SMAD6: variants seen among roughly 807,000 people sequenced by gnomAD.
SMAD6 encodes the protein MAD homolog 6.
In SMAD6, 103 loss-of-function variants were observed where a neutral mutation model predicts 39.4. That is an observed-to-expected ratio of 2.62 (90% confidence interval 2.23 to 3.08). The LOEUF is 3.08. Among genes scored for constraint, SMAD6 ranks in the 30% most tolerant of loss-of-function variants. The probability of loss-of-function intolerance (pLI) is 0.00; values close to 1 mark genes in which losing one functional copy is unlikely to be tolerated. For synonymous variants in SMAD6, 445 were observed against 353.3 expected (o/e 1.26, Z -2.91); for missense variants, 1,104 against 742.9 (o/e 1.49, Z -5.65).
chr15:66,720,939 G>A (rs1331183205), intron 3 of SMAD6, among the ~76,000 whole-genome samples: 1 of 152,220 alleles, frequency 6.6e-6, no homozygotes, highest in Non-Finnish European at 1.5e-5. Flanking sequence ...GTTAGTGAGA[G>A]CAGGCCCTTC....
intron 3 of SMAD6, among the ~76,000 whole-genome samples, chr15:66,752,975 G>A (rs1219618720): frequency 1.3e-5 from 2 of 152,162 alleles, no homozygotes; most frequent in African/African-American, 4.8e-5. Context: ...GGTAACATTT[G>A]CTAAAGGCAT....
chr15:66,735,744 G>A lies in SMAD6; in HGVS notation c.952+19246G>A, dbSNP rs1205996197. Among the ~76,000 whole-genome samples, 3 of 152,198 alleles carry A rather than the reference G, an allele frequency of 2.0e-5. No individual in the cohort carries two copies. The East Asian group carries it at 5.8e-4, about 29-fold the overall frequency. On this transcript the variant is annotated intron_variant, in intron 3 of 3. Transcript: ENST00000288840. ...TTTGAGGTGTGGGGCCCAGCCCTTTGTTCCATGTCAGTTGGTCATTGGCTG... is the reference window on the plus strand; with the variant it reads ...TTTGAGGTGTGGGGCCCAGCCCTTTATTCCATGTCAGTTGGTCATTGGCTG...
At chr15:66,779,171 C>T (rs1370923142) in intron 3 of SMAD6, among the ~76,000 whole-genome samples, 1 of 152,124 alleles carries the variant, frequency 6.6e-6, no homozygotes, top group Non-Finnish European at 1.5e-5. Flanking sequence ...CCCAGCTGCC[C>T]ACCTGCTGGG....
chr15:66,754,922 A>G (rs1290503579), intron 3 of SMAD6, among the ~76,000 whole-genome samples: 2 of 152,142 alleles, frequency 1.3e-5, no homozygotes, highest in South Asian at 4.1e-4. Context: ...CACCAAGCAG[A>G]TAAGATTCCA....
intron 3 of SMAD6, among the ~76,000 whole-genome samples, chr15:66,725,786 T>C (rs1351898016): frequency 6.6e-6 from 1 of 151,870 alleles, no homozygotes; most frequent in Admixed American, 6.6e-5. Context: ...GGGAGAGGGG[T>C]TGGAGTGGGT....
chr15:66,708,986 C>CCTGGT (rs1442863850), intron 1 of SMAD6, among the ~76,000 whole-genome samples: 1 of 152,198 alleles, frequency 6.6e-6, no homozygotes, highest in Non-Finnish European at 1.5e-5. Context: ...ACTGGCCTCC[C>CCTGGT]CTGTAACACC....
Position 66,768,490 on chromosome 15 carries a change from A to G in SMAD6, c.953-12507A>G, listed in dbSNP as rs573450555. Reference sequence around the variant, plus strand: ...TTTCATAGACTTAGCAAGCCAGAGAAATTAAATCCACCCCCATGGCCAGGT... The same window carrying G: ...TTTCATAGACTTAGCAAGCCAGAGAGATTAAATCCACCCCCATGGCCAGGT... On this transcript the variant is annotated intron_variant, in intron 3 of 3. Coordinates refer to ENST00000288840, the MANE Select transcript of SMAD6 (RefSeq NM_005585.5). Among the ~76,000 whole-genome samples the G allele has an allele frequency of 1.6e-4, 24 of 152,340 alleles. No individual in the cohort carries two copies. In the South Asian group the frequency reaches 5.0e-3, roughly 32 times the overall value.
intron 1 of SMAD6, 123 bp downstream of exon 1, chr15:66,704,198 G>A: frequency 1.3e-6 from 1 of 754,660 alleles, no homozygotes; most frequent in Non-Finnish European, 1.9e-6. Context: ...CCCTTGGAGC[G>A]TGGGAGCCAC....
intron 1 of SMAD6, chr15:66,707,151 GGT>G (rs1370135641): frequency 1.3e-5 from 2 of 152,204 alleles, no homozygotes; most frequent in East Asian, 3.8e-4. Flanking sequence ...GAGCTCGGTG[GGT>G]GCCTATGTGG....
At chr15:66,728,591 G>T (rs771575742) in intron 3 of SMAD6, among the ~76,000 whole-genome samples, 2 of 152,006 alleles carry the variant, frequency 1.3e-5, no homozygotes, top group Non-Finnish European at 2.9e-5. Flanking sequence ...ATTTTTAGTA[G>T]AGATGGGGTT....
At chr15:66,754,931 C>T (rs558179130) in intron 3 of SMAD6, among the ~76,000 whole-genome samples, 1 of 152,236 alleles carries the variant, frequency 6.6e-6, no homozygotes, top group African/African-American at 2.4e-5. Context: ...GATAAGATTC[C>T]AGTAGGGGCT....
chr15:66,703,973 G>A lies in SMAD6; in HGVS notation c.715G>A (p.Val239Met), dbSNP rs768794005. ...TCGCTGGCCCGACCTGCAGCACGCC[G>A]TGGAGCTGAAGCCCCTGTGCGGCTG... is the stretch of plus-strand genomic sequence containing the variant. ...LFRWPDLQHAVELKPLCGCHS... is the reference protein window; with the variant it reads ...LFRWPDLQHAMELKPLCGCHS... Residue 239 changes from valine (V) to methionine (M), a missense_variant, in exon 1 of 4, where the codon GTG (valine) becomes ATG (methionine). Physicochemically the swap from Val to Met is conservative, Grantham distance 21 (BLOSUM62 1). Coordinates refer to ENST00000288840, the MANE Select transcript of SMAD6 (RefSeq NM_005585.5). 1.6e-4 allele frequency: 227 copies of A among 1,458,760 alleles called. No homozygotes were observed. The highest frequency in any genetic ancestry group is 2.0e-4 in the Non-Finnish European group (217 of 1,109,108). The allele number at this position is 1,458,760 out of a possible 1,614,324, so 90.4% of individuals were successfully genotyped here. A position where few individuals can be genotyped will look rare whatever the true frequency, so the allele number is the denominator to read the frequency against.
intron 1 of SMAD6, among the ~76,000 whole-genome samples, chr15:66,709,685 A>G (rs558875482): frequency 3.9e-5 from 6 of 152,316 alleles, no homozygotes; most frequent in South Asian, 4.1e-4. Flanking sequence ...GGTGGTGGAA[A>G]GGGCATGGAG....
At chr15:66,736,691 G>A (rs556726464) in intron 3 of SMAD6, among the ~76,000 whole-genome samples, 7 of 150,364 alleles carry the variant, frequency 4.7e-5, no homozygotes, top group African/African-American at 1.7e-4. Context: ...TTTTTGAGAT[G>A]GAATCTCGCT....
At position 66,781,818 on chromosome 15, in the gene SMAD6, ATTTTC is replaced by A. The variant is rs1894584206; in HGVS notation, c.*287_*291del. 1 of 398,690 alleles carries A rather than the reference ATTTTC, an allele frequency of 2.5e-6. No homozygotes were observed. The highest frequency in any genetic ancestry group is 4.4e-6 in the Non-Finnish European group (1 of 226,090). 24.7% of individuals were successfully genotyped at this position (398,690 alleles called of 1,614,324 possible). A position where few individuals can be genotyped will look rare whatever the true frequency, so the allele number is the denominator to read the frequency against. ...CTTATAATTCTTTCAATACAGATATATTTTCTTTCTCTTCCTCCTTCCTCTTCCTT... is the reference window on the plus strand; with the variant it reads ...CTTATAATTCTTTCAATACAGATATATTTCTCTTCCTCCTTCCTCTTCCTT... On this transcript the variant is annotated 3_prime_UTR_variant, in exon 4 of 4. Coordinates refer to ENST00000288840, the MANE Select transcript of SMAD6 (RefSeq NM_005585.5).
intron 3 of SMAD6, among the ~76,000 whole-genome samples, chr15:66,751,112 C>T (rs1030112638): frequency 2.6e-5 from 4 of 152,274 alleles, no homozygotes; most frequent in South Asian, 2.1e-4. Context: ...ATACTGAGAA[C>T]GCCCCGTGCC....
intron 1 of SMAD6, among the ~76,000 whole-genome samples, chr15:66,709,185 T>C (rs767456629): frequency 2.0e-5 from 3 of 152,228 alleles, no homozygotes; most frequent in Non-Finnish European, 4.4e-5. Flanking sequence ...CAATGGAATT[T>C]AGTGATTAGC....
intron 3 of SMAD6, among the ~76,000 whole-genome samples, chr15:66,739,690 A>G (rs72758514): frequency 0.29 from 44,677 of 152,172 alleles, 6,876 homozygotes; most frequent in East Asian, 0.44. Flanking sequence ...ATTAGGGAAA[A>G]CTTGGAAAGC....
In SMAD6 at chr15:66,704,071, G is replaced by A; in HGVS notation, c.813G>A (p.Gly271=). The A allele has an allele frequency of 6.7e-7, 1 of 1,483,734 alleles. No homozygotes were observed. The allele number at this position is 1,483,734 out of a possible 1,614,324, so 91.9% of individuals were successfully genotyped here. ...CCTACCACTTCAGCCGGCTCTGCGG[G>A]CCCGGTGAGCGCGCTGCGCCGGCCG... is the stretch of plus-strand genomic sequence containing the variant. ...CNPYHFSRLC[G]PESPPPPYSR... is the part of the protein sequence containing the mutation. The change falls in exon 1 of 4, where the codon GGG becomes GGA. Residue 271 remains glycine (G), a synonymous_variant. Coordinates refer to ENST00000288840, the MANE Select transcript of SMAD6 (RefSeq NM_005585.5).
Sources: allele counts gnomAD v4.1 joint callset (sites outside exome capture counted in the v4.1 genomes callset), GRCh38; gene constraint gnomAD v4.1.1; transcripts MANE v1.5; gene names NCBI Gene and HGNC (gene_info 2026-07-23, HGNC 2026-07-21).